UBR3: variants seen among roughly 807,000 people sequenced by gnomAD.
UBR3 encodes the protein ubiquitin protein ligase E3 component n-recognin 3.
In UBR3, 85 loss-of-function variants were observed where a neutral mutation model predicts 243.2. That is an observed-to-expected ratio of 0.35 (90% CI 0.29 to 0.42). The LOEUF (loss-of-function observed/expected upper bound fraction) is 0.42. Ranked by LOEUF, UBR3 falls within the 10% of genes least tolerant of loss-of-function variation. The pLI, the probability that UBR3 is intolerant of heterozygous loss-of-function variation, is 1.00. For synonymous variants in UBR3, 748 were observed against 799.8 expected, an observed-to-expected ratio of 0.94 and a Z score of 1.09; for missense variants, 1,686 against 2,300.8, an observed-to-expected ratio of 0.73 and a Z score of 5.47.
intron 10 of UBR3, among the ~76,000 whole-genome samples, chr2:169,907,229 G>T (rs907725620): frequency 1.1e-4 from 17 of 151,340 alleles, no homozygotes; most frequent in African/African-American, 3.9e-4. Context: ...TAGAGACAGG[G>T]TTTCACCATG....
chr2:170,064,055 C>G (rs2091504639), intron 35 of UBR3, among the ~76,000 whole-genome samples: 1 of 152,166 alleles, frequency 6.6e-6, no homozygotes, highest in Non-Finnish European at 1.5e-5. Context: ...CAGTTGAGTA[C>G]AAAGCATATG....
At chr2:169,970,235 G>GTTTTTTTTTTTTT (rs531832498) in intron 24 of UBR3, among the ~76,000 whole-genome samples, 1 of 85,592 alleles carries the variant, frequency 1.2e-5, no homozygotes, top group Non-Finnish European at 2.3e-5. Flanking sequence ...TTGTTCCTAG[G>GTTTTTTTTTTTTT]TTTTTTTTTT....
intron 20 of UBR3, among the ~76,000 whole-genome samples, chr2:169,945,407 A>G (rs1446885467): frequency 1.3e-5 from 2 of 152,314 alleles, no homozygotes; most frequent in South Asian, 2.1e-4. Context: ...AAGTCTCTCT[A>G]TTCTTTAATT....
intron 1 of UBR3, among the ~76,000 whole-genome samples, chr2:169,842,985 T>G (rs2082350262): frequency 6.6e-6 from 1 of 152,232 alleles, no homozygotes; most frequent in African/African-American, 2.4e-5. Flanking sequence ...CTATCCATAT[T>G]TCTACCAACA....
chr2:169,945,607 A>G (rs746433980), intron 20 of UBR3, among the ~76,000 whole-genome samples: 1 of 152,174 alleles, frequency 6.6e-6, no homozygotes, highest in Admixed American at 6.5e-5. Flanking sequence ...GATGACTTTT[A>G]TAATGAGGAC....
At chr2:170,042,720 C>CTTT (rs575169870) in intron 32 of UBR3, among the ~76,000 whole-genome samples, 2 of 133,708 alleles carry the variant, frequency 1.5e-5, no homozygotes, top group Non-Finnish European at 1.6e-5. Flanking sequence ...TTTTTGAACA[C>CTTT]TTTTTTTTTT....
intron 5 of UBR3, among the ~76,000 whole-genome samples, chr2:169,880,912 C>T (rs1461644242): frequency 6.6e-6 from 1 of 152,100 alleles, no homozygotes; most frequent in Admixed American, 6.6e-5. Flanking sequence ...GCCTCCTGCT[C>T]CATCCATGTT....
chr2:170,031,264 A>G (rs1383253778), intron 31 of UBR3, among the ~76,000 whole-genome samples: 1 of 152,010 alleles, frequency 6.6e-6, no homozygotes, highest in Non-Finnish European at 1.5e-5. Flanking sequence ...TTTTTAAGAT[A>G]TGTTTATGTA....
intron 3 of UBR3, among the ~76,000 whole-genome samples, chr2:169,877,168 C>T (rs547282692): frequency 6.6e-6 from 1 of 152,314 alleles, no homozygotes; most frequent in African/African-American, 2.4e-5. Context: ...CATATTACCT[C>T]TCTGACTTTC....
chr2:170,073,568 G>C lies in UBR3; in HGVS notation c.5160G>C (p.Glu1720Asp). 1 of 1,613,214 alleles carries C rather than the reference G, an allele frequency of 6.2e-7. No individual in the cohort carries two copies. The change falls in exon 36 of 39, where the codon GAG (glutamate) becomes GAC (aspartate). Residue 1720 changes from glutamate to aspartate, a missense_variant. By Grantham distance (45) the Glu-to-Asp change is conservative. Transcript: ENST00000272793. ...AFDIITQWCF[E>D]IKSFTERHAE... ...ATATTATAACTCAGTGGTGTTTTGA[G>C]ATAAAATCATTTACTGAAAGACATG...
At chr2:170,012,254 A>C (rs2090107558) in intron 29 of UBR3, among the ~76,000 whole-genome samples, 1 of 152,164 alleles carries the variant, frequency 6.6e-6, no homozygotes, top group African/African-American at 2.4e-5. Context: ...ACTGGGTTTA[A>C]GGGAATGGAA....
At chr2:169,877,089 A>G (rs2083647855) in intron 3 of UBR3, among the ~76,000 whole-genome samples, 1 of 152,220 alleles carries the variant, frequency 6.6e-6, no homozygotes, top group African/African-American at 2.4e-5. Flanking sequence ...CGATAACTGC[A>G]TGCTTGGTAT....
chr2:170,063,152 C>T (rs1481492085), intron 35 of UBR3, among the ~76,000 whole-genome samples: 2 of 151,836 alleles, frequency 1.3e-5, no homozygotes, highest in African/African-American at 2.4e-5. Flanking sequence ...GGCTGGAGAG[C>T]GATTAGAGAT....
At chr2:169,899,835 T>G (rs2084745705) in intron 8 of UBR3, among the ~76,000 whole-genome samples, 2 of 152,210 alleles carry the variant, frequency 1.3e-5, no homozygotes, top group Admixed American at 1.3e-4. Context: ...AAACTCATCC[T>G]TTTTTATGGC....
chr2:170,055,521 ACT>A lies in UBR3; in HGVS notation c.4726_4727del (p.Val1577Ter), dbSNP rs1339982108. The A allele has an allele frequency of 6.2e-7, 1 of 1,613,816 alleles. No individual in the cohort carries two copies. Among genetic ancestry groups the A allele is most frequent in the Non-Finnish European group, 8.5e-7 (1 of 1,179,808 alleles). Reference protein sequence around the residue: ...TLLYTQALAALSVKCSEEDRS... With the variant: ...TLLYTQALAAXSVKCSEEDRS... ...TACTGTACACACAGGCTCTTGCAGC[ACT>A]CTCAGTTAAATGCAGCGAAGAAGAT... is the stretch of plus-strand genomic sequence containing the variant. On this transcript the variant is annotated frameshift_variant, in exon 33 of 39. Coordinates refer to ENST00000272793, the MANE Select transcript of UBR3 (RefSeq NM_172070.4). LOFTEE classifies it high-confidence loss of function.
At chr2:169,944,749 A>T (rs894666547) in intron 20 of UBR3, among the ~76,000 whole-genome samples, 1 of 152,162 alleles carries the variant, frequency 6.6e-6, no homozygotes, top group African/African-American at 2.4e-5. Context: ...TACTCAATTA[A>T]AGCTGTAATC....
intron 27 of UBR3, among the ~76,000 whole-genome samples, chr2:170,003,642 CT>C (rs371426779): frequency 0.012 from 1,759 of 148,998 alleles, 47 homozygotes; most frequent in African/African-American, 0.04. Flanking sequence ...TACACAGAGT[CT>C]TTTTTTTTTC....
chr2:170,041,847 T>C (rs1023740284), intron 32 of UBR3, among the ~76,000 whole-genome samples: 2 of 152,196 alleles, frequency 1.3e-5, no homozygotes, highest in Non-Finnish European at 2.9e-5. Context: ...AGGCAAATTA[T>C]GATATTTCAT....
At chr2:169,857,363 C>T (rs1036925978) in intron 1 of UBR3, among the ~76,000 whole-genome samples, 5 of 151,720 alleles carry the variant, frequency 3.3e-5, no homozygotes, top group Admixed American at 1.3e-4. Context: ...CCACTGCGCC[C>T]GGCCCCATTG....
Sources: gnomAD v4.1 joint callset for allele counts (sites outside exome capture counted in the v4.1 genomes callset) on GRCh38, gnomAD v4.1.1 for gene constraint, MANE v1.5 for transcripts, NCBI Gene and HGNC (gene_info 2026-07-23, HGNC 2026-07-21) for gene names.